The following PSG8 variants were observed in gnomAD, a reference collection of about 807,000 sequenced individuals.
The protein encoded by PSG8 is pregnancy specific beta-1-glycoprotein 8, also known as pregnancy-specific beta-1-glycoprotein 8.
In PSG8, 57 loss-of-function variants were observed where a neutral mutation model predicts 42.5. That is an observed-to-expected ratio of 1.34 (90% CI 1.08 to 1.67). PSG8 has a LOEUF of 1.67. Ranked by LOEUF, PSG8 falls within the 40% of genes most tolerant of loss-of-function variation. PSG8 has a pLI of 0.00. For synonymous variants in PSG8, 280 were observed against 196.8 expected (o/e 1.42, Z -3.54); for missense variants, 783 against 518.6 (o/e 1.51, Z -4.95).
chr19:42,756,573 C>G (rs1202865515), intron 3 of PSG8, among the ~76,000 whole-genome samples: 1 of 152,026 alleles, frequency 6.6e-6, no homozygotes, highest in Non-Finnish European at 1.5e-5. Flanking sequence ...TTTTCAGCAT[C>G]AGATTAGTAG....
intron 3 of PSG8, 159 bp from the exon 4 acceptor site, chr19:42,755,425 A>G: frequency 7.2e-7 from 1 of 1,396,148 alleles, no homozygotes; most frequent in Non-Finnish European, 9.6e-7. Flanking sequence ...ATGATGATCT[A>G]AGGGCTCAAA....
intron 1 of PSG8, 146 bp downstream of exon 1, chr19:42,765,372 T>C (rs1258446190): frequency 6.8e-6 from 9 of 1,325,920 alleles, no homozygotes; most frequent in Non-Finnish European, 9.3e-6. Context: ...CAGACTGATC[T>C]TGAACTCCTG....
At chr19:42,756,209 C>A (rs530561939) in intron 3 of PSG8, 6 of 152,276 alleles carry the variant, frequency 3.9e-5, no homozygotes, top group Non-Finnish European at 7.4e-5. Flanking sequence ...TTTCACTGGA[C>A]ATTCTACTCT....
chr19:42,764,372 C>A, intron 1 of PSG8, 91 bp from the exon 2 acceptor site: 2 of 1,524,784 alleles, frequency 1.3e-6, no homozygotes, highest in Non-Finnish European at 1.8e-6. Flanking sequence ...TCTCTTCAGT[C>A]CTCAGCCTTG....
Position 42,755,306 on chromosome 19 carries a change from C to T in PSG8, c.710-40G>A, listed in dbSNP as rs569642587. ...GAGAGAAGATTGTCCTGTGTGGCACCTTTGATTCCTCCACAGGCATCCTTC... is the reference window on the plus strand; with the variant it reads ...GAGAGAAGATTGTCCTGTGTGGCACTTTTGATTCCTCCACAGGCATCCTTC... On this transcript the variant is annotated intron_variant, in intron 3 of 4. Transcript: ENST00000306511. 1.1e-5 allele frequency: 17 copies of T among 1,590,402 alleles called. No individual in the cohort carries two copies. In the East Asian group the frequency reaches 1.6e-4, roughly 15 times the overall value.
chr19:42,758,119 T>C lies in PSG8; in HGVS notation c.592A>G (p.Thr198Ala). 6.2e-7 allele frequency: 1 copy of C among 1,613,972 alleles called. No homozygotes were observed. The highest frequency in any genetic ancestry group is 1.1e-5 in the South Asian group (1 of 91,066). ...PMSHRLQLSETNRTLFLLGVT... is the reference protein window; with the variant it reads ...PMSHRLQLSEANRTLFLLGVT... ...CCCAATAGAAAGAGGGTCCTGTTGG[T>C]TTCAGACAACTGCAACCTGTGAGAC... The change falls in exon 3 of 5, where the codon ACC becomes GCC. Residue 198 changes from threonine to alanine, a missense_variant. By Grantham distance (58) the Thr-to-Ala change is moderately conservative (BLOSUM62 0). Coordinates refer to ENST00000306511, the MANE Select transcript of PSG8 (RefSeq NM_182707.3).
At position 42,765,107 on chromosome 19, in the gene PSG8, C is replaced by T. The variant is rs559252882; in HGVS notation, c.64+411G>A. ...ACCCCTGTCCCTCTCTGGTGTATTT[C>T]CCCCTATCCAGGCTCCAATAGAGCC... is the stretch of plus-strand genomic sequence containing the variant. On this transcript the variant is annotated intron_variant, in intron 1 of 4. Transcript: ENST00000306511. 5.3e-5 allele frequency among the ~76,000 whole-genome samples: 8 copies of T among 151,984 alleles called. 1 individual carries two copies. The highest frequency in any genetic ancestry group is 3.9e-4 in the East Asian group (2 of 5,182).
intron 3 of PSG8, among the ~76,000 whole-genome samples, chr19:42,757,554 T>C (rs1969957437): frequency 6.6e-6 from 1 of 152,030 alleles, no homozygotes; most frequent in South Asian, 2.1e-4. Context: ...CCCTGTATGG[T>C]AATAGGTGTA....
intron 3 of PSG8, 174 bp from the exon 4 acceptor site, chr19:42,755,440 A>C: frequency 7.5e-7 from 1 of 1,326,226 alleles, no homozygotes; most frequent in Non-Finnish European, 1.0e-6. Context: ...CTCAAAGACT[A>C]TGAGGCCAGC....
At chr19:42,753,438 A>G (rs1969831733), downstream of PSG8, 1 of 772,850 alleles carries the variant, frequency 1.3e-6, no homozygotes, top group East Asian at 2.4e-5. Context: ...TAACAGGTGT[A>G]CTACAGTTTT....
At chr19:42,761,855 G>T (rs796519242) in intron 2 of PSG8, among the ~76,000 whole-genome samples, 1,044 of 10,522 alleles carry the variant, frequency 0.099, 10 homozygotes, top group African/African-American at 0.2. Flanking sequence ...TTTTTTTTGT[G>T]CAGGAGGCCA....
At chr19:42,757,543 C>G (rs1470289664) in intron 3 of PSG8, among the ~76,000 whole-genome samples, 1 of 152,086 alleles carries the variant, frequency 6.6e-6, no homozygotes, top group African/African-American at 2.4e-5. Flanking sequence ...TTGGGGACTT[C>G]CCCTGTATGG....
In PSG8 at chr19:42,764,232, A is replaced by C. The variant is rs762961901; in HGVS notation, c.114T>G (p.Ile38Met). 6.2e-7 allele frequency: 1 copy of C among 1,613,766 alleles called. No homozygotes were observed. Among genetic ancestry groups the C allele is most frequent in the South Asian group, 1.1e-5 (1 of 91,060 alleles). ...CAGAAACTTTGGTTGGCTGGGCTTC[A>C]ATCGTGACTTGGGCAGTCGTGGGTG... ...WNPPTTAQVT[I>M]EAQPTKVSEG... Residue 38 changes from isoleucine (I) to methionine (M), a missense_variant, in exon 2 of 5, where the codon ATT becomes ATG. Coordinates refer to ENST00000306511, the MANE Select transcript of PSG8 (RefSeq NM_182707.3).
At position 42,755,223 on chromosome 19, in the gene PSG8, G is replaced by C. The variant is rs1484645075; in HGVS notation, c.753C>G (p.Pro251=). 1 of 1,612,084 alleles carries C rather than the reference G, an allele frequency of 6.2e-7. No homozygotes were observed. Among genetic ancestry groups the C allele is most frequent in the Non-Finnish European group, 8.5e-7 (1 of 1,179,784 alleles). ...AGTTTAAGACATCCTTATTCTCCCT[G>C]GGTTTTAAGTTGTTGATGGTGATGT... The part of the protein sequence containing the change: ...KPYITINNLK[P]RENKDVLNFT... The change falls in exon 4 of 5, where the codon CCC becomes CCG. Residue 251 remains proline, a synonymous_variant. Transcript: ENST00000306511.
In PSG8 at chr19:42,755,164, T is replaced by A; in HGVS notation, c.812A>T (p.Tyr271Phe). ...TCEPKSENYT[Y>F]IWWLNGQSLP... ...GCTCTGACCATTTAGCCACCAAATG[T>A]AGGTGTAGTTCTCACTCTTAGGTTC... Residue 271 changes from tyrosine (Y) to phenylalanine (F), a missense_variant, in exon 4 of 5, where the codon TAC (tyrosine) becomes TTC (phenylalanine). Physicochemically the swap from Tyr to Phe is conservative, Grantham distance 22. Coordinates refer to ENST00000306511, the MANE Select transcript of PSG8 (RefSeq NM_182707.3). 6.2e-7 allele frequency: 1 copy of A among 1,611,908 alleles called. No homozygotes were observed. The highest frequency in any genetic ancestry group is 8.5e-7 in the Non-Finnish European group (1 of 1,179,790).
At chr19:42,765,286 A>G (rs1669578642) in intron 1 of PSG8, among the ~76,000 whole-genome samples, 1 of 151,424 alleles carries the variant, frequency 6.6e-6, no homozygotes, top group South Asian at 2.1e-4. Context: ...CCGAGTAGCT[A>G]GGATTAGAGG....
chr19:42,754,287 G>C lies in PSG8; in HGVS notation c.*8C>G, dbSNP rs766909436. 6.2e-7 allele frequency: 1 copy of C among 1,612,256 alleles called. No homozygotes were observed. Among genetic ancestry groups the C allele is most frequent in the Non-Finnish European group, 8.5e-7 (1 of 1,179,060 alleles). ...CTGACTCTTCCCTGAAGGCCAGATA[G>C]ACTCCACCTAAATCCCTATTGCCAA... On this transcript the variant is annotated 3_prime_UTR_variant, in exon 5 of 5. Coordinates refer to ENST00000306511, the MANE Select transcript of PSG8 (RefSeq NM_182707.3).
chr19:42,754,545 T>C lies in PSG8; in HGVS notation c.1031A>G (p.Tyr344Cys). 1.9e-6 allele frequency: 3 copies of C among 1,613,570 alleles called. No individual in the cohort carries two copies. Among genetic ancestry groups the C allele is most frequent in the East Asian group, 2.2e-5 (1 of 44,862 alleles). Residue 344 changes from tyrosine to cysteine, a missense_variant, in exon 5 of 5, where the codon TAC becomes TGC. Tyr to Cys is a radical substitution (Grantham distance 194, BLOSUM62 -2). Transcript: ENST00000306511. ...CAAGTAGAGGACTTCTCCTGAACGGTAATAGGTGAATGAAGGGTAAATTCT... is the reference window on the plus strand; with the variant it reads ...CAAGTAGAGGACTTCTCCTGAACGGCAATAGGTGAATGAAGGGTAAATTCT... Reference protein sequence around the residue: ...LPRIYPSFTYYRSGEVLYLSC... With the variant: ...LPRIYPSFTYCRSGEVLYLSC...
chr19:42,754,625 T>C lies in PSG8; in HGVS notation c.989-38A>G, dbSNP rs370676957. 2,032 of 1,590,576 alleles carry C rather than the reference T, an allele frequency of 1.3e-3. 10 individuals carry two copies. The highest frequency in any genetic ancestry group is 1.6e-3 in the Non-Finnish European group (1,868 of 1,165,232). ...GAATAAAGCCACAGGTGATGTCATCTGAGGGAAGGGGATGTTCCTGGTCTC... is the reference window on the plus strand; with the variant it reads ...GAATAAAGCCACAGGTGATGTCATCCGAGGGAAGGGGATGTTCCTGGTCTC... On this transcript the variant is annotated intron_variant, in intron 4 of 4. Transcript: ENST00000306511.
Sources: allele counts gnomAD v4.1 joint callset (sites outside exome capture counted in the v4.1 genomes callset), GRCh38; gene constraint gnomAD v4.1.1; transcripts MANE v1.5; gene names NCBI Gene and HGNC (gene_info 2026-07-23, HGNC 2026-07-21).